ADCY10: variants seen among roughly 807,000 people sequenced by gnomAD.
The protein encoded by ADCY10 is adenylate cyclase 10, also known as adenylate cyclase type 10.
ADCY10 carries 156 observed loss-of-function variants against 183.3 expected under a neutral mutation model. That is an observed-to-expected ratio of 0.85 (90% CI 0.75 to 0.97). ADCY10 has a LOEUF of 0.97. Ranked by LOEUF, ADCY10 falls within the 50% of genes least tolerant of loss-of-function variation. The pLI, the probability that ADCY10 is intolerant of heterozygous loss-of-function variation, is 0.00. For synonymous variants in ADCY10, 645 were observed against 670.0 expected (o/e 0.96, Z 0.58); for missense variants, 1,745 against 1,934.3 (o/e 0.90, Z 1.84).
rs544912776 is a variant in ADCY10 at position 167,833,412 on chromosome 1, A to G, written c.3418-250T>C. Among the ~76,000 whole-genome samples the G allele has an allele frequency of 5.3e-5, 8 of 152,314 alleles. 1 individual carries two copies. In the South Asian group the frequency reaches 1.7e-3, roughly 32 times the overall value. On this transcript the variant is annotated intron_variant, in intron 24 of 32. Coordinates refer to ENST00000367851, the MANE Select transcript of ADCY10 (RefSeq NM_018417.6). ...CCTCTGAGACAATGTTTACCCATTCAGGTCCATTTTTAGAGATTGTAACAA... is the reference window on the plus strand; with the variant it reads ...CCTCTGAGACAATGTTTACCCATTCGGGTCCATTTTTAGAGATTGTAACAA...
chr1:167,819,919 C>T, intron 30 of ADCY10: 1 of 1,052,250 alleles, frequency 9.5e-7, no homozygotes, highest in Non-Finnish European at 1.5e-6. Flanking sequence ...GTAGGCAAAA[C>T]ATCTTCTCCA....
chr1:167,875,966 A>C (rs1347457595), intron 12 of ADCY10, among the ~76,000 whole-genome samples: 1 of 151,788 alleles, frequency 6.6e-6, no homozygotes, highest in African/African-American at 2.4e-5. Context: ...AAGAAAAAAA[A>C]GGACTACTGG....
At chr1:167,836,017 A>G (rs1463751889) in intron 23 of ADCY10, among the ~76,000 whole-genome samples, 1 of 152,228 alleles carries the variant, frequency 6.6e-6, no homozygotes, top group Non-Finnish European at 1.5e-5. Context: ...TCTCTGCATC[A>G]TTTTGGGAAT....
chr1:167,904,918 A>G (rs1229446183), intron 2 of ADCY10, 75 bp downstream of exon 2: 7 of 1,607,834 alleles, frequency 4.4e-6, no homozygotes, highest in South Asian at 1.1e-5. Flanking sequence ...CTACTCTGCA[A>G]TCAAGCTCTG....
intron 14 of ADCY10, among the ~76,000 whole-genome samples, chr1:167,866,927 C>CA (rs1430767870): frequency 6.6e-6 from 1 of 152,158 alleles, no homozygotes; most frequent in Non-Finnish European, 1.5e-5. Flanking sequence ...CCTGTTAGCA[C>CA]AAGAAGCAGA....
At chr1:167,891,788 A>G (rs1668613803) in intron 8 of ADCY10, among the ~76,000 whole-genome samples, 1 of 152,116 alleles carries the variant, frequency 6.6e-6, no homozygotes, top group Non-Finnish European at 1.5e-5. Context: ...CCGAAATAGC[A>G]CAGAAGTGTC....
intron 19 of ADCY10, among the ~76,000 whole-genome samples, chr1:167,846,495 C>T (rs1665038380): frequency 6.6e-6 from 1 of 152,122 alleles, no homozygotes; most frequent in Non-Finnish European, 1.5e-5. Flanking sequence ...AGCACAATGA[C>T]CTGACAAAAT....
At chr1:167,849,353 A>G (rs1665300981) in intron 18 of ADCY10, among the ~76,000 whole-genome samples, 1 of 152,186 alleles carries the variant, frequency 6.6e-6, no homozygotes, top group African/African-American at 2.4e-5. Context: ...TTATTTTTCT[A>G]TCCCTTCAGC....
At position 167,833,046 on chromosome 1, in the gene ADCY10, G is replaced by A. The variant is rs942170233; in HGVS notation, c.3534C>T (p.Val1178=). The change falls in exon 25 of 33, where the codon GTC becomes GTT. Residue 1178 remains valine (V), a synonymous_variant. Transcript: ENST00000367851. ...CATAATGAAAGTGTCTGTTTTTCTC[G>A]ACATGGATATGGAGAAACAAGGAGA... is the stretch of plus-strand genomic sequence containing the variant. The part of the protein sequence containing the change: ...NLISLFLHIH[V]EKNRHFHYVN... 1.2e-5 allele frequency: 20 copies of A among 1,613,930 alleles called. No individual in the cohort carries two copies. Among genetic ancestry groups the A allele is most frequent in the African/African-American group, 6.7e-5 (5 of 74,892 alleles).
chr1:167,823,932 A>G (rs187570758), intron 28 of ADCY10, among the ~76,000 whole-genome samples: 1 of 152,332 alleles, frequency 6.6e-6, no homozygotes, highest in East Asian at 1.9e-4. Flanking sequence ...TGGAGGCCTG[A>G]TTCCCACAGC....
intron 1 of ADCY10, among the ~76,000 whole-genome samples, chr1:167,912,581 T>C (rs1214113922): frequency 2.0e-5 from 3 of 152,228 alleles, no homozygotes; most frequent in Admixed American, 1.3e-4. Flanking sequence ...GTCTGTAATA[T>C]ATACCTAGCT....
At chr1:167,824,091 T>G (rs1663099467) in intron 28 of ADCY10, among the ~76,000 whole-genome samples, 1 of 152,114 alleles carries the variant, frequency 6.6e-6, no homozygotes, top group Non-Finnish European at 1.5e-5. Context: ...GAGGCTGAGG[T>G]GGGTGGGTCA....
At chr1:167,889,426 A>G (rs1013056818) in intron 8 of ADCY10, among the ~76,000 whole-genome samples, 2 of 138,016 alleles carry the variant, frequency 1.4e-5, no homozygotes, top group African/African-American at 5.1e-5. Context: ...GATAAATCCC[A>G]CTTGATCATG....
chr1:167,902,627 A>G (rs1669515574), intron 3 of ADCY10, among the ~76,000 whole-genome samples: 1 of 152,246 alleles, frequency 6.6e-6, no homozygotes, highest in Non-Finnish European at 1.5e-5. Flanking sequence ...GCAGAAAGGA[A>G]TCAACCATAG....
At position 167,893,865 on chromosome 1, in the gene ADCY10, G is replaced by A; in HGVS notation, c.816C>T (p.Ser272=). 6.2e-7 allele frequency: 1 copy of A among 1,611,448 alleles called. No homozygotes were observed. Among genetic ancestry groups the A allele is most frequent in the Non-Finnish European group, 8.5e-7 (1 of 1,178,388 alleles). The change falls in exon 8 of 33, where the codon AGC becomes AGT. Residue 272 remains serine, a synonymous_variant. Transcript: ENST00000367851. ...EMSLQKYVME[S]ILKQIDNKQL... is the part of the protein sequence containing the mutation. ...ATTTTGAAAATACCTGCTTCAAAAT[G>A]CTTTCCATCACATACTTTTGTAGGG...
intron 24 of ADCY10, among the ~76,000 whole-genome samples, chr1:167,833,622 G>A (rs551249361): frequency 6.6e-6 from 1 of 151,888 alleles, no homozygotes; most frequent in Non-Finnish European, 1.5e-5. Context: ...GCGCATGCCT[G>A]TAATCCCAGC....
chr1:167,892,830 G>A (rs930712998), intron 8 of ADCY10, among the ~76,000 whole-genome samples: 1 of 152,182 alleles, frequency 6.6e-6, no homozygotes, highest in African/African-American at 2.4e-5. Context: ...TATTAGGAGG[G>A]TGGATAGCCT....
chr1:167,880,360 G>T, intron 10 of ADCY10, 131 bp downstream of exon 10: 1 of 957,488 alleles, frequency 1.0e-6, no homozygotes. Context: ...ATGCGAAGGA[G>T]GAACAACAGT....
chr1:167,863,203 G>T (rs962871246), intron 14 of ADCY10, among the ~76,000 whole-genome samples: 1 of 152,168 alleles, frequency 6.6e-6, no homozygotes, highest in African/African-American at 2.4e-5. Context: ...CCAGGCCTGG[G>T]CCTGCCTGAC....
Sources: gnomAD v4.1 joint callset for allele counts (sites outside exome capture counted in the v4.1 genomes callset) on GRCh38, gnomAD v4.1.1 for gene constraint, MANE v1.5 for transcripts, NCBI Gene and HGNC (gene_info 2026-07-23, HGNC 2026-07-21) for gene names.